RTN4RL1: variants seen among roughly 807,000 people sequenced by gnomAD.
RTN4RL1 encodes the protein reticulon 4 receptor like 1.
A neutral mutation model predicts 25.6 loss-of-function variants in RTN4RL1; 7 were observed. The ratio of observed to expected loss-of-function variants is 0.27; its 90% confidence interval spans 0.16 to 0.51. RTN4RL1 has a LOEUF of 0.51. Among genes scored for constraint, RTN4RL1 ranks in the 20% least tolerant of loss-of-function variants. The probability of loss-of-function intolerance (pLI) is 0.97; values close to 1 mark genes in which losing one functional copy is unlikely to be tolerated. For synonymous variants in RTN4RL1, 297 were observed against 288.2 expected, an observed-to-expected ratio of 1.03 and a Z score of -0.31; for missense variants, 500 against 615.6, an observed-to-expected ratio of 0.81 and a Z score of 1.99.
chr17:1,963,373 G>A (rs1028872328), intron 1 of RTN4RL1, among the ~76,000 whole-genome samples: 3 of 152,250 alleles, frequency 2.0e-5, no homozygotes, highest in Non-Finnish European at 2.9e-5. Context: ...CCAAAGCCAG[G>A]AGGCTCACAA....
chr17:2,010,445 C>G (rs979474070), intron 1 of RTN4RL1, among the ~76,000 whole-genome samples: 1 of 152,168 alleles, frequency 6.6e-6, no homozygotes, highest in Non-Finnish European at 1.5e-5. Context: ...CCACTGCACT[C>G]CAACCTGGGC....
intron 1 of RTN4RL1, among the ~76,000 whole-genome samples, chr17:1,981,960 C>T (rs774543575): frequency 9.2e-5 from 14 of 152,242 alleles, no homozygotes; most frequent in Admixed American, 3.3e-4. Flanking sequence ...ACAGCACGTG[C>T]CTGTGCTGAA....
At chr17:1,949,189 C>T (rs1597490107) in intron 1 of RTN4RL1, among the ~76,000 whole-genome samples, 1 of 152,044 alleles carries the variant, frequency 6.6e-6, no homozygotes, top group African/African-American at 2.4e-5. Flanking sequence ...TCTCAATCTC[C>T]GAACCTCATG....
intron 1 of RTN4RL1, among the ~76,000 whole-genome samples, chr17:1,969,816 GA>G (rs1314711566): frequency 6.6e-6 from 1 of 152,052 alleles, no homozygotes; most frequent in Non-Finnish European, 1.5e-5. Context: ...TCCTGTCCAT[GA>G]AAAAAAGTTA....
chr17:1,961,026 G>C (rs1436746216), intron 1 of RTN4RL1, among the ~76,000 whole-genome samples: 1 of 152,132 alleles, frequency 6.6e-6, no homozygotes, highest in Non-Finnish European at 1.5e-5. Flanking sequence ...AGAGCACCTT[G>C]CTTAATTATT....
intron 1 of RTN4RL1, among the ~76,000 whole-genome samples, chr17:1,986,084 T>C (rs938960967): frequency 6.6e-6 from 1 of 151,942 alleles, no homozygotes; most frequent in East Asian, 1.9e-4. Context: ...CTACTGCTAC[T>C]AGCAGAGAGG....
intron 1 of RTN4RL1, among the ~76,000 whole-genome samples, chr17:1,997,792 C>A (rs909034505): frequency 6.6e-6 from 1 of 152,234 alleles, no homozygotes; most frequent in East Asian, 1.9e-4. Context: ...AGGCCTGAGC[C>A]GGGGCTGGGA....
intron 1 of RTN4RL1, among the ~76,000 whole-genome samples, chr17:1,969,058 C>CTTTTT (rs566553225): frequency 0.18 from 18,697 of 103,406 alleles, 2,243 homozygotes; most frequent in Middle Eastern, 0.23. Context: ...ACCACTGTCC[C>CTTTTT]TTTTTTTTTT....
chr17:2,014,243 T>C (rs545936634), intron 1 of RTN4RL1, among the ~76,000 whole-genome samples: 26 of 152,232 alleles, frequency 1.7e-4, no homozygotes, highest in African/African-American at 5.8e-4. Flanking sequence ...GCATGAGGGA[T>C]CTGGAGGGGC....
chr17:1,991,446 TAA>T (rs764604442), intron 1 of RTN4RL1, among the ~76,000 whole-genome samples: 5 of 31,242 alleles, frequency 1.6e-4, no homozygotes, highest in African/African-American at 3.6e-4. Flanking sequence ...ATGCACATAG[TAA>T]AAAAAAAAAA....
At chr17:1,947,160 G>C (rs934979158) in intron 1 of RTN4RL1, among the ~76,000 whole-genome samples, 5 of 151,348 alleles carry the variant, frequency 3.3e-5, no homozygotes, top group African/African-American at 1.2e-4. Context: ...TGTATGCACG[G>C]GGTCTGTGTG....
At chr17:1,993,345 T>C (rs1300398448) in intron 1 of RTN4RL1, among the ~76,000 whole-genome samples, 1 of 152,220 alleles carries the variant, frequency 6.6e-6, no homozygotes, top group Admixed American at 6.5e-5. Flanking sequence ...AGAATTAGCC[T>C]TGACTCTGGG....
chr17:1,992,281 C>T (rs151242032), intron 1 of RTN4RL1, among the ~76,000 whole-genome samples: 4,670 of 151,288 alleles, frequency 0.031, 143 homozygotes, highest in Admixed American at 0.091. Flanking sequence ...ATGGCGTGAA[C>T]CCGGGAGGCA....
chr17:1,993,240 T>C (rs2066917194), intron 1 of RTN4RL1, among the ~76,000 whole-genome samples: 1 of 152,032 alleles, frequency 6.6e-6, no homozygotes, highest in Admixed American at 6.5e-5. Flanking sequence ...AGAGCGAAAC[T>C]CTGTCTCAAA....
chr17:1,999,094 T>TCACACACACACACA lies in RTN4RL1; in HGVS notation c.13+25745_13+25758dup, dbSNP rs59609042. On this transcript the variant is annotated intron_variant, in intron 1 of 1. Coordinates refer to ENST00000331238, the MANE Select transcript of RTN4RL1 (RefSeq NM_178568.4). ...CAGTCTACACCAGACACATGCGCGA[T>TCACACACACACACA]CACACACACACACACACACACACGC... Among the ~76,000 whole-genome samples, 373 of 147,354 alleles carry TCACACACACACACA rather than the reference T, an allele frequency of 2.5e-3. 2 individuals are homozygous for TCACACACACACACA. The highest frequency in any genetic ancestry group is 9.1e-3 in the African/African-American group (360 of 39,568).
At chr17:1,941,512 CG>C (rs1386404057) in intron 1 of RTN4RL1, among the ~76,000 whole-genome samples, 3 of 152,008 alleles carry the variant, frequency 2.0e-5, no homozygotes, top group African/African-American at 7.2e-5. Flanking sequence ...GGGCCTGGGG[CG>C]GGGGCCGGGC....
In RTN4RL1 at chr17:2,024,828, A is replaced by G. The variant is rs1241512990; in HGVS notation, c.13+25T>C. The G allele has an allele frequency of 4.5e-6, 7 of 1,565,756 alleles. No individual in the cohort carries two copies. In the South Asian group the frequency reaches 4.7e-5, roughly 11 times the overall value. On this transcript the variant is annotated intron_variant, in intron 1 of 1. Transcript: ENST00000331238. The stretch of plus-strand genomic sequence containing the variant: ...TCTTTCCGGAGCGCATTCAACTTCA[A>G]CTTGCCCCTGCGGCTCCAACTCACC...
chr17:1,935,501 C>T lies in RTN4RL1; in HGVS notation c.*995G>A, dbSNP rs899423273. 4 of 982,404 alleles carry T rather than the reference C, an allele frequency of 4.1e-6. No individual in the cohort carries two copies. Among genetic ancestry groups the T allele is most frequent in the South Asian group, 4.7e-5 (1 of 21,206 alleles). 60.9% of individuals were successfully genotyped at this position (982,404 alleles called of 1,614,324 possible). ...GCCTCCCCCTTCCTCACCGTCCCGC[C>T]GACACCTTGCCCCAGGCCCTTGGCA... On this transcript the variant is annotated 3_prime_UTR_variant, in exon 2 of 2. Transcript: ENST00000331238.
chr17:1,975,919 A>C (rs1302342381), intron 1 of RTN4RL1, among the ~76,000 whole-genome samples: 1 of 152,212 alleles, frequency 6.6e-6, no homozygotes, highest in Non-Finnish European at 1.5e-5. Context: ...GACCAGAAAT[A>C]AATAAAAACA....
Sources: allele counts gnomAD v4.1 joint callset (sites outside exome capture counted in the v4.1 genomes callset), GRCh38; gene constraint gnomAD v4.1.1; transcripts MANE v1.5; gene names NCBI Gene and HGNC (gene_info 2026-07-23, HGNC 2026-07-21).